The following CTNND2 variants were observed in gnomAD, a reference collection of about 807,000 sequenced individuals.
CTNND2 encodes catenin delta 2, also known as catenin delta-2.
A neutral mutation model predicts 144.4 loss-of-function variants in CTNND2; 22 were observed. The ratio of observed to expected loss-of-function variants is 0.15; its 90% CI spans 0.11 to 0.22. The LOEUF is 0.22. Ranked by LOEUF, CTNND2 falls within the 10% of genes least tolerant of loss-of-function variation. The pLI, the probability that CTNND2 is intolerant of heterozygous loss-of-function variation, is 1.00. For synonymous variants in CTNND2, 751 were observed against 695.6 expected (o/e 1.08, Z -1.25); for missense variants, 1,353 against 1,618.8 (o/e 0.84, Z 2.82).
rs773745550 is a variant in CTNND2, at chr5:11,364,789, G to A, written c.1279C>T (p.Arg427Cys). The A allele has an allele frequency of 7.3e-5, 117 of 1,613,652 alleles. 1 individual carries two copies. The highest frequency in any genetic ancestry group is 3.0e-4 in the South Asian group (27 of 91,052). ...EHHIDPIYED[R>C]VYQKPPMRSL... ...CTCATAGGGGGCTTCTGATAGACGC[G>A]GTCTTCATAGATGGGATCTATGTGG... Residue 427 changes from arginine (R) to cysteine (C), a missense_variant, in exon 8 of 22, where the codon CGC (arginine) becomes TGC (cysteine). Arg to Cys is a radical substitution (Grantham distance 180). Around this residue, in one of 4 missense-constraint regions of CTNND2, gnomAD observed 708 missense variants for 706.4 expected, o/e 1.00. Transcript: ENST00000304623.
intron 3 of CTNND2, among the ~76,000 whole-genome samples, chr5:11,496,719 T>G (rs1273139973): frequency 6.6e-6 from 1 of 152,094 alleles, no homozygotes; most frequent in East Asian, 1.9e-4. Flanking sequence ...TGCATTATAT[T>G]CCTAAAGCCC....
chr5:11,747,710 CA>C (rs772905982), intron 1 of CTNND2, among the ~76,000 whole-genome samples: 2 of 151,826 alleles, frequency 1.3e-5, no homozygotes, highest in Admixed American at 6.6e-5. Context: ...TAAAATCTGG[CA>C]AAAAAACAAA....
chr5:11,329,212 G>A (rs1045001576), intron 9 of CTNND2, among the ~76,000 whole-genome samples: 2 of 152,162 alleles, frequency 1.3e-5, no homozygotes, highest in Non-Finnish European at 2.9e-5. Flanking sequence ...CTGGAGTATA[G>A]TGGTGCAATC....
chr5:11,261,332 G>T (rs1410150812), intron 9 of CTNND2, among the ~76,000 whole-genome samples: 1 of 151,978 alleles, frequency 6.6e-6, no homozygotes, highest in African/African-American at 2.4e-5. Context: ...TTATATTCTG[G>T]GAGTTCCTTC....
At chr5:11,383,224 T>A (rs887804362) in intron 7 of CTNND2, among the ~76,000 whole-genome samples, 1 of 152,122 alleles carries the variant, frequency 6.6e-6, no homozygotes, top group Non-Finnish European at 1.5e-5. Flanking sequence ...CTGGACTCCC[T>A]GCGCCTCAGT....
intron 2 of CTNND2, among the ~76,000 whole-genome samples, chr5:11,701,323 C>A (rs1451074900): frequency 1.3e-5 from 2 of 152,150 alleles, no homozygotes; most frequent in Non-Finnish European, 2.9e-5. Flanking sequence ...CAGATAATGG[C>A]TGCCTTTCAA....
intron 9 of CTNND2, among the ~76,000 whole-genome samples, chr5:11,246,048 G>C (rs1280854949): frequency 2.0e-5 from 3 of 152,178 alleles, no homozygotes; most frequent in Non-Finnish European, 2.9e-5. Context: ...TTTGTCTAAG[G>C]ATTCAGTCAG....
intron 1 of CTNND2, among the ~76,000 whole-genome samples, chr5:11,812,240 C>G (rs1042815399): frequency 1.3e-5 from 2 of 152,170 alleles, no homozygotes; most frequent in Non-Finnish European, 2.9e-5. Context: ...GGGAGAGGTA[C>G]TGCTTTTTCT....
chr5:11,546,676 A>C (rs1775263761), intron 3 of CTNND2, among the ~76,000 whole-genome samples: 1 of 152,200 alleles, frequency 6.6e-6, no homozygotes, highest in Non-Finnish European at 1.5e-5. Flanking sequence ...GAAACAACGA[A>C]CAACACAAAA....
intron 16 of CTNND2, among the ~76,000 whole-genome samples, chr5:11,032,190 G>C (rs1046437898): frequency 6.6e-6 from 1 of 152,160 alleles, no homozygotes; most frequent in South Asian, 2.1e-4. Context: ...TCCCGTCTCT[G>C]AATTTACTTT....
chr5:11,822,710 A>G (rs1349934106), intron 1 of CTNND2, among the ~76,000 whole-genome samples: 1 of 152,156 alleles, frequency 6.6e-6, no homozygotes, highest in East Asian at 1.9e-4. Flanking sequence ...CATGGCAAGG[A>G]AATGAAGGAG....
chr5:11,340,874 G>T (rs964189274), intron 9 of CTNND2, among the ~76,000 whole-genome samples: 1 of 152,174 alleles, frequency 6.6e-6, no homozygotes, highest in African/African-American at 2.4e-5. Flanking sequence ...GAGATTTTGG[G>T]ATGATTAAAT....
Position 10,971,919 on chromosome 5 carries a change from A to G in CTNND2, c.*1534T>C, listed in dbSNP as rs1250678269. On this transcript the variant is annotated 3_prime_UTR_variant, in exon 22 of 22. Transcript: ENST00000304623. Reference sequence around the variant, plus strand: ...CTATTGGCCTCAGCCACTTGCATCTAAAGAGCAAAGCTAGTTTACCCGCGG... The same window carrying G: ...CTATTGGCCTCAGCCACTTGCATCTGAAGAGCAAAGCTAGTTTACCCGCGG... 6.6e-6 allele frequency: 1 copy of G among 152,622 alleles called. No individual in the cohort carries two copies. Among genetic ancestry groups the G allele is most frequent in the Non-Finnish European group, 1.5e-5 (1 of 68,024 alleles). 9.5% of individuals were successfully genotyped at this position (152,622 alleles called of 1,614,324 possible). A position where few individuals can be genotyped will look rare whatever the true frequency, so the allele number is the denominator to read the frequency against.
Position 11,903,797 on chromosome 5 carries a change from C to T in CTNND2, c.37+20G>A. On this transcript the variant is annotated intron_variant, in intron 1 of 21. Transcript: ENST00000304623. This position sits in a 1 kb window ranked among gnomAD's most constrained non-coding sequence, Gnocchi z 5.4. ...GGAGGAGGCTGCGCCCGGCCCCGGC[C>T]GCCCAGCCCCGCAACTCACCCAAAG... is the stretch of plus-strand genomic sequence containing the variant. 2 of 1,474,402 alleles carry T rather than the reference C, an allele frequency of 1.4e-6. No individual in the cohort carries two copies. The highest frequency in any genetic ancestry group is 1.8e-6 in the Non-Finnish European group (2 of 1,120,142). 91.3% of individuals were successfully genotyped at this position (1,474,402 alleles called of 1,614,324 possible).
chr5:11,228,065 G>C (rs1740552505), intron 10 of CTNND2, among the ~76,000 whole-genome samples: 1 of 151,514 alleles, frequency 6.6e-6, no homozygotes, highest in Non-Finnish European at 1.5e-5. Flanking sequence ...CTGTTGGCTG[G>C]GCGTGATGGT....
At chr5:11,407,099 T>A (rs1448675501) in intron 5 of CTNND2, among the ~76,000 whole-genome samples, 1 of 152,156 alleles carries the variant, frequency 6.6e-6, no homozygotes, top group East Asian at 1.9e-4. Flanking sequence ...TATTTCTGAG[T>A]TTGTATATAA....
intron 9 of CTNND2, among the ~76,000 whole-genome samples, chr5:11,305,825 G>A (rs1750133758): frequency 6.6e-6 from 1 of 152,242 alleles, no homozygotes; most frequent in Non-Finnish European, 1.5e-5. Flanking sequence ...TGAGAGATGA[G>A]TAGGGTTGGC....
rs71595821 is a variant in CTNND2 at position 11,470,954 on chromosome 5, G to GTATATATATATATATATATA, written c.288-58905_288-58886dup. Among the ~76,000 whole-genome samples the GTATATATATATATATATATA allele has an allele frequency of 5.4e-3, 341 of 63,064 alleles. 6 individuals are homozygous for GTATATATATATATATATATA. The highest frequency in any genetic ancestry group is 7.2e-3 in the Non-Finnish European group (219 of 30,522). 41.4% of individuals were successfully genotyped at this position (63,064 alleles called of 152,430 possible). ...TACTTTAGCTATTATTTGATACAAAGTATATATATATATATATATATATAT... is the reference window on the plus strand; with the variant it reads ...TACTTTAGCTATTATTTGATACAAAGTATATATATATATATATATATATATATATATATATATATATATAT... On this transcript the variant is annotated intron_variant, in intron 3 of 21. Coordinates refer to ENST00000304623, the MANE Select transcript of CTNND2 (RefSeq NM_001332.4).
intron 9 of CTNND2, among the ~76,000 whole-genome samples, chr5:11,316,858 T>C (rs1309455897): frequency 1.3e-5 from 2 of 152,134 alleles, no homozygotes; most frequent in Non-Finnish European, 2.9e-5. Context: ...CCATGGTGTA[T>C]ATGTGCCACA....
Sources: allele counts gnomAD v4.1 joint callset (sites outside exome capture counted in the v4.1 genomes callset), GRCh38; gene constraint gnomAD v4.1.1; regional missense constraint gnomAD v4.1.1; non-coding constraint Gnocchi (gnomAD v3.1); transcripts MANE v1.5; gene names NCBI Gene and HGNC (gene_info 2026-07-23, HGNC 2026-07-21).